The following XDH variants were observed in gnomAD, a reference collection of about 807,000 sequenced individuals.
XDH encodes xanthine dehydrogenase/oxidase.
In XDH, 138 loss-of-function variants were observed where a neutral mutation model predicts 156.1. The observed-to-expected ratio is 0.88, with a 90% CI of 0.77 to 1.02. The LOEUF (loss-of-function observed/expected upper bound fraction) is 1.02, where lower values mean the gene tolerates loss of function less well. Ranked by LOEUF, XDH falls within the 50% of genes least tolerant of loss-of-function variation. XDH has a pLI of 0.00. For missense variants in XDH, 1,849 were observed against 1,684.9 expected, an observed-to-expected ratio of 1.10 and a Z score of -1.71; for synonymous variants, 669 against 625.7, an observed-to-expected ratio of 1.07 and a Z score of -1.03.
intron 11 of XDH, 122 bp downstream of exon 11, chr2:31,382,879 C>T: frequency 6.9e-7 from 1 of 1,443,872 alleles, no homozygotes; most frequent in Non-Finnish European, 9.5e-7. Context: ...ACTGCTCCTC[C>T]CAGGCAACTC....
intron 12 of XDH, among the ~76,000 whole-genome samples, chr2:31,381,405 C>T (rs1686433453): frequency 6.6e-6 from 1 of 152,220 alleles, no homozygotes; most frequent in African/African-American, 2.4e-5. Flanking sequence ...CAGTACCCCA[C>T]TAGGTAAGGC....
At chr2:31,409,756 G>T (rs1421127033) in intron 1 of XDH, among the ~76,000 whole-genome samples, 1 of 152,162 alleles carries the variant, frequency 6.6e-6, no homozygotes, top group Non-Finnish European at 1.5e-5. Context: ...TTGCAAGGAC[G>T]TGGAGAAACT....
chr2:31,365,327 G>C, intron 23 of XDH, 130 bp downstream of exon 23: 1 of 941,278 alleles, frequency 1.1e-6, no homozygotes, highest in Non-Finnish European at 1.7e-6. Context: ...TTCTCTTCTT[G>C]CTATATCTTA....
intron 1 of XDH, among the ~76,000 whole-genome samples, chr2:31,411,108 C>A (rs1029981360): frequency 2.0e-5 from 3 of 151,392 alleles, no homozygotes; most frequent in African/African-American, 7.3e-5. Flanking sequence ...ATGGTAGAAC[C>A]CCAACTCTAC....
In XDH at chr2:31,349,660, A is replaced by G. The variant is rs556318005; in HGVS notation, c.2969+26T>C. 6.8e-6 allele frequency: 11 copies of G among 1,614,110 alleles called. No homozygotes were observed. In the Admixed American group the frequency reaches 8.3e-5, roughly 12 times the overall value. On this transcript the variant is annotated intron_variant, in intron 26 of 35. Coordinates refer to ENST00000379416, the MANE Select transcript of XDH (RefSeq NM_000379.4). ...GTAGGATATGAAACCCAGAAGAGCA[A>G]CTGGACTTCTACTCCTAGTGCTTAC... is the stretch of plus-strand genomic sequence containing the variant.
intron 1 of XDH, 42 bp from the exon 2 acceptor site, chr2:31,406,006 T>C: frequency 6.3e-7 from 1 of 1,598,594 alleles, no homozygotes; most frequent in Non-Finnish European, 8.6e-7. Flanking sequence ...TAGGTATACT[T>C]AGTCATCTTT....
rs1686269744 is a variant in XDH, at chr2:31,377,237, C to A, written c.1243G>T (p.Gly415Trp). Residue 415 changes from glycine (G) to tryptophan (W), a missense_variant and splice_region_variant, in exon 14 of 36, where the codon GGG (glycine) becomes TGG (tryptophan). Physicochemically the swap from Gly to Trp is radical, Grantham distance 184. Transcript: ENST00000379416. Reference protein sequence around the residue: ...LSIEIPYSREGEYFSAFKQAS... With the variant: ...LSIEIPYSREWEYFSAFKQAS... ...TGCTTGAATGCTGAGAAATACTCCC[C>A]CTAAAAGAGATCAGGAAGGTGCCTG... The A allele has an allele frequency of 6.2e-7, 1 of 1,614,044 alleles. No individual in the cohort carries two copies. The highest frequency in any genetic ancestry group is 2.2e-5 in the East Asian group (1 of 44,868).
chr2:31,361,247 T>C (rs1469704693), intron 24 of XDH, among the ~76,000 whole-genome samples: 1 of 152,248 alleles, frequency 6.6e-6, no homozygotes, highest in East Asian at 1.9e-4. Context: ...CTGAGAACCA[T>C]GTCAGATGTT....
intron 34 of XDH, among the ~76,000 whole-genome samples, chr2:31,338,425 G>A (rs1352272370): frequency 2.0e-5 from 3 of 152,132 alleles, no homozygotes; most frequent in African/African-American, 7.2e-5. Context: ...TTCTAGGCGT[G>A]GGCCCCAGAA....
intron 9 of XDH, among the ~76,000 whole-genome samples, chr2:31,385,658 G>A (rs1280639084): frequency 6.6e-6 from 1 of 152,206 alleles, no homozygotes; most frequent in South Asian, 2.1e-4. Flanking sequence ...AGATTAGCAG[G>A]GACCTGGGAA....
At chr2:31,355,841 A>G (rs1170864789) in intron 24 of XDH, among the ~76,000 whole-genome samples, 3 of 152,232 alleles carry the variant, frequency 2.0e-5, no homozygotes. Context: ...GAATGGATTT[A>G]CAAACATGAC....
chr2:31,342,662 T>C (rs567143796), intron 31 of XDH, among the ~76,000 whole-genome samples: 1 of 152,276 alleles, frequency 6.6e-6, no homozygotes, highest in South Asian at 2.1e-4. Flanking sequence ...GAATCCAAGG[T>C]CTTCAGGACT....
At chr2:31,397,797 T>C (rs910873533) in intron 5 of XDH, 68 bp from the exon 6 acceptor site, 1 of 1,579,522 alleles carries the variant, frequency 6.3e-7, no homozygotes, top group African/African-American at 1.3e-5. Flanking sequence ...TTTGTGACTT[T>C]GCTTGCAACT....
At position 31,388,301 on chromosome 2, in the gene XDH, G is replaced by C; in HGVS notation, c.496-6C>G. ...CCTCCACAGCATCCACCATCCTAGA[G>C]AGATGATGAACATCTGCACAAGGGT... On this transcript the variant is annotated splice_region_variant and splice_polypyrimidine_tract_variant and intron_variant, in intron 6 of 35. Coordinates refer to ENST00000379416, the MANE Select transcript of XDH (RefSeq NM_000379.4). 6.2e-7 allele frequency: 1 copy of C among 1,614,050 alleles called. No homozygotes were observed. The highest frequency in any genetic ancestry group is 8.5e-7 in the Non-Finnish European group (1 of 1,179,948).
At chr2:31,404,809 G>T (rs987478351) in intron 2 of XDH, among the ~76,000 whole-genome samples, 2 of 152,074 alleles carry the variant, frequency 1.3e-5, no homozygotes, top group African/African-American at 4.8e-5. Context: ...AAAAAATCCA[G>T]AACAAAGTAC....
intron 2 of XDH, among the ~76,000 whole-genome samples, chr2:31,405,231 C>T (rs917417483): frequency 2.9e-4 from 44 of 152,270 alleles, no homozygotes; most frequent in South Asian, 2.1e-4. Context: ...ACTTTGAATC[C>T]TGCCTGTATA....
chr2:31,396,401 G>C (rs206858), intron 6 of XDH, among the ~76,000 whole-genome samples: 97,088 of 151,992 alleles, frequency 0.64, 31,561 homozygotes, highest in African/African-American at 0.74. Flanking sequence ...TCAGGAAACA[G>C]TGAGTAACTT....
intron 8 of XDH, 82 bp from the exon 9 acceptor site, chr2:31,386,637 G>A: frequency 6.4e-7 from 1 of 1,567,872 alleles, no homozygotes; most frequent in Non-Finnish European, 8.8e-7. Context: ...GTCCTCAATG[G>A]GATGTTTTAC....
At chr2:31,400,404 A>G (rs1687026244) in intron 4 of XDH, among the ~76,000 whole-genome samples, 1 of 151,792 alleles carries the variant, frequency 6.6e-6, no homozygotes, top group Admixed American at 6.6e-5. Flanking sequence ...CCGCCTGGCT[A>G]ATTTTTTGGT....
Sources: allele counts gnomAD v4.1 joint callset (sites outside exome capture counted in the v4.1 genomes callset), GRCh38; gene constraint gnomAD v4.1.1; transcripts MANE v1.5; gene names NCBI Gene and HGNC (gene_info 2026-07-23, HGNC 2026-07-21).